The following ZNF208 variants were observed in gnomAD, a reference collection of about 807,000 sequenced individuals.
The protein encoded by ZNF208 is zinc finger protein 208, also known as zinc finger protein 95.
A neutral mutation model predicts 12.1 loss-of-function variants in ZNF208; 10 were observed. The observed-to-expected ratio is 0.83, with a 90% CI of 0.51 to 1.40. ZNF208 has a LOEUF of 1.40. Among genes scored for constraint, ZNF208 ranks in the 40% most tolerant of loss-of-function variants. ZNF208 has a pLI of 0.00. For synonymous variants in ZNF208, 497 were observed against 488.4 expected (o/e 1.02, Z -0.23); for missense variants, 1,652 against 1,485.0 (o/e 1.11, Z -1.85).
chr19:21,972,232 T>C lies in ZNF208; in HGVS notation c.2802A>G (p.Lys934=). 3.7e-6 allele frequency: 6 copies of C among 1,613,580 alleles called. No individual in the cohort carries two copies. Among genetic ancestry groups the C allele is most frequent in the Non-Finnish European group, 5.1e-6 (6 of 1,179,870 alleles). The change falls in exon 4 of 4, where the codon AAA becomes AAG. Residue 934 remains lysine (K), a synonymous_variant. Coordinates refer to ENST00000397126, the MANE Select transcript of ZNF208 (RefSeq NM_007153.3). ...TCTCTCCAGCATGAGTTTTCTTATG[T>C]TTACTAAAGACTGACAACCAGCTGA... ...KAFSWLSVFS[K]HKKTHAGEKF... is the part of the protein sequence containing the mutation.
intron 1 of ZNF208, among the ~76,000 whole-genome samples, chr19:22,008,302 C>T (rs78601959): frequency 1.0e-5 from 1 of 98,940 alleles, no homozygotes; most frequent in African/African-American, 3.9e-5. Flanking sequence ...GACTCTATCT[C>T]AAAAAAAAAA....
Position 21,974,716 on chromosome 19 carries a change from A to G in ZNF208, c.318T>C (p.Cys106=). 1.2e-6 allele frequency: 2 copies of G among 1,613,502 alleles called. No individual in the cohort carries two copies. Among genetic ancestry groups the G allele is most frequent in the Non-Finnish European group, 8.5e-7 (1 of 1,179,716 alleles). ...TTTTTAAGTGTAAATTCTCATGTCC[A>G]CATTTTTCATACCTTCTCAATATCA... ...QKVILRRYEK[C]GHENLHLKIG... is the part of the protein sequence containing the mutation. Residue 106 remains cysteine, a synonymous_variant, in exon 4 of 4, where the codon TGT becomes TGC. Transcript: ENST00000397126.
chr19:21,974,674 C>G lies in ZNF208; in HGVS notation c.360G>C (p.Val120=). 3 of 1,613,726 alleles carry G rather than the reference C, an allele frequency of 1.9e-6. No individual in the cohort carries two copies. The highest frequency in any genetic ancestry group is 2.5e-6 in the Non-Finnish European group (3 of 1,179,798). The stretch of plus-strand genomic sequence containing the variant: ...CTTCTTTGTGCACCTTACACTCATC[C>G]ACATTGGTATAACCAATTTTTAAGT... ...NLHLKIGYTN[V]DECKVHKEGY... Residue 120 remains valine (V), a synonymous_variant, in exon 4 of 4, where the codon GTG becomes GTC. Coordinates refer to ENST00000397126, the MANE Select transcript of ZNF208 (RefSeq NM_007153.3).
intron 1 of ZNF208, among the ~76,000 whole-genome samples, chr19:22,003,975 C>G (rs1971000623): frequency 6.6e-6 from 1 of 151,568 alleles, no homozygotes; most frequent in Admixed American, 6.6e-5. Flanking sequence ...TTGAGACAGG[C>G]ATGGACAACA....
intron 4 of ZNF208, among the ~76,000 whole-genome samples, chr19:21,953,379 A>G (rs1969922645): frequency 6.9e-6 from 1 of 144,624 alleles, no homozygotes; most frequent in African/African-American, 2.7e-5. Flanking sequence ...TTACCAAGGT[A>G]AAAATGAAAG....
At chr19:21,958,545 G>A (rs985433207) in intron 4 of ZNF208, among the ~76,000 whole-genome samples, 9 of 152,060 alleles carry the variant, frequency 5.9e-5, no homozygotes, top group Non-Finnish European at 1.2e-4. Flanking sequence ...CAGTTATCAG[G>A]GTGTGTCAGC....
In ZNF208 at chr19:21,970,413, G is replaced by A. The variant is rs1263970526; in HGVS notation, c.*778C>T. The stretch of plus-strand genomic sequence containing the variant: ...AGTAAGGATTGAGGAATAGCTAAAA[G>A]GCTTGCCACATTCTTCAGATTTGTA... On this transcript the variant is annotated 3_prime_UTR_variant, in exon 4 of 4. Transcript: ENST00000397126. 6.6e-6 allele frequency among the ~76,000 whole-genome samples: 1 copy of A among 152,166 alleles called. No homozygotes were observed. Among genetic ancestry groups the A allele is most frequent in the Non-Finnish European group, 1.5e-5 (1 of 68,010 alleles).
chr19:21,958,692 CAT>C lies in ZNF208; in HGVS notation c.305+16035_305+16036del, dbSNP rs530175535. ...ATGCAAATGGAATGATGCATAAACA[CAT>C]GTTTCTTCTGAGATACTTAAACCAG... is the stretch of plus-strand genomic sequence containing the variant. On this transcript the variant is annotated intron_variant, in intron 4 of 4. Transcript: ENST00000599916. 6.4e-4 allele frequency among the ~76,000 whole-genome samples: 98 copies of C among 152,202 alleles called. 1 individual carries two copies. Among genetic ancestry groups the C allele is most frequent in the South Asian group, 4.4e-3 (21 of 4,826 alleles).
rs1970285735 is a variant in ZNF208, at chr19:21,971,610, T to G, written c.3424A>C (p.Lys1142Gln). Residue 1142 changes from lysine (K) to glutamine (Q), a missense_variant, in exon 4 of 4, where the codon AAA (lysine) becomes CAA (glutamine). Coordinates refer to ENST00000397126, the MANE Select transcript of ZNF208 (RefSeq NM_007153.3). ...TAGGCTTTGCCACATTCTTCACATT[T>G]GTAGGGTTTCTCTCCAGTATGAATT... ...KVIHTGEKPY[K>Q]CEECGKAYKW... 1 of 1,612,496 alleles carries G rather than the reference T, an allele frequency of 6.2e-7. No homozygotes were observed. Among genetic ancestry groups the G allele is most frequent in the Non-Finnish European group, 8.5e-7 (1 of 1,179,936 alleles).
At chr19:22,006,584 T>C (rs1444776761) in intron 1 of ZNF208, among the ~76,000 whole-genome samples, 1 of 152,144 alleles carries the variant, frequency 6.6e-6, no homozygotes, top group Non-Finnish European at 1.5e-5. Flanking sequence ...TCTCTCACTA[T>C]AGAGGCTTCT....
intron 3 of ZNF208, among the ~76,000 whole-genome samples, chr19:21,986,446 T>A (rs1450789695): frequency 6.6e-6 from 1 of 152,134 alleles, no homozygotes; most frequent in Non-Finnish European, 1.5e-5. Flanking sequence ...AGAACAAATT[T>A]AACTGAGGAG....
intron 1 of ZNF208, among the ~76,000 whole-genome samples, chr19:22,008,301 T>TAAAAAAA (rs1971084138): frequency 2.0e-5 from 1 of 49,250 alleles, no homozygotes; most frequent in Non-Finnish European, 4.5e-5. Context: ...AGACTCTATC[T>TAAAAAAA]CAAAAAAAAA....
Position 21,986,026 on chromosome 19 carries a change from C to A in ZNF208, c.226+1190G>T, listed in dbSNP as rs116212033. 1.8e-3 allele frequency among the ~76,000 whole-genome samples: 267 copies of A among 152,316 alleles called. 1 individual carries two copies. Among genetic ancestry groups the A allele is most frequent in the African/African-American group, 6.1e-3 (253 of 41,576 alleles). ...TAAGCCAACTCTATTGCAGAGCCAG[C>A]AGCCCTGTGACCGAGCTACAACCCT... On this transcript the variant is annotated intron_variant, in intron 3 of 3. Coordinates refer to ENST00000397126, the MANE Select transcript of ZNF208 (RefSeq NM_007153.3).
rs144728441 is a variant in ZNF208, at chr19:21,987,967, G to A, written c.131-656C>T. Among the ~76,000 whole-genome samples the A allele has an allele frequency of 2.9e-3, 435 of 151,910 alleles. 2 individuals are homozygous for A. The highest frequency in any genetic ancestry group is 9.4e-3 in the African/African-American group (391 of 41,436). ...TTAACCTGTCTCTTCTCATTCCTTCGTCGCCACCGGACTTTCTGTACCCTA... is the reference window on the plus strand; with the variant it reads ...TTAACCTGTCTCTTCTCATTCCTTCATCGCCACCGGACTTTCTGTACCCTA... On this transcript the variant is annotated intron_variant, in intron 2 of 3. Coordinates refer to ENST00000397126, the MANE Select transcript of ZNF208 (RefSeq NM_007153.3).
chr19:21,980,410 G>T (rs1204673414), intron 3 of ZNF208, among the ~76,000 whole-genome samples: 1 of 152,160 alleles, frequency 6.6e-6, no homozygotes, highest in Non-Finnish European at 1.5e-5. Flanking sequence ...TCAGGATTAA[G>T]AAACTCACTC....
chr19:21,977,564 C>G (rs189089578), intron 3 of ZNF208, among the ~76,000 whole-genome samples: 252 of 152,322 alleles, frequency 1.7e-3, no homozygotes, highest in African/African-American at 5.6e-3. Flanking sequence ...GTGCTTTTCC[C>G]ATGGTCTTCG....
chr19:22,005,275 G>C (rs1971024843), intron 1 of ZNF208, among the ~76,000 whole-genome samples: 1 of 152,164 alleles, frequency 6.6e-6, no homozygotes, highest in African/African-American at 2.4e-5. Context: ...GAAATCCTCT[G>C]CTGGCAGCTG....
In ZNF208 at chr19:21,973,954, C is replaced by T. The variant is rs1485978641; in HGVS notation, c.1080G>A (p.Lys360=). The T allele has an allele frequency of 3.1e-6, 5 of 1,613,450 alleles. No homozygotes were observed. The South Asian group carries it at 4.4e-5, about 14-fold the overall frequency. The part of the protein sequence containing the change: ...FSKFSILTKH[K]VIHTGEKPYK... ...AGGGTTTCTCTCCAGTATGAATTAC[C>T]TTATGTTTAGTAAGGATTGAGAACT... is the stretch of plus-strand genomic sequence containing the variant. The change falls in exon 4 of 4, where the codon AAG becomes AAA. Residue 360 remains lysine (K), a synonymous_variant. Coordinates refer to ENST00000397126, the MANE Select transcript of ZNF208 (RefSeq NM_007153.3).
rs761251407 is a variant in ZNF208 at position 21,974,206 on chromosome 19, C to G, written c.828G>C (p.Lys276Asn). 3 of 1,602,738 alleles carry G rather than the reference C, an allele frequency of 1.9e-6. No homozygotes were observed. Among genetic ancestry groups the G allele is most frequent in the Admixed American group, 3.4e-5 (2 of 59,628 alleles). The change falls in exon 4 of 4, where the codon AAG becomes AAC. Residue 276 changes from lysine (K) to asparagine (N), a missense_variant. Physicochemically the swap from Lys to Asn is moderately conservative, Grantham distance 94. Around this residue, in one of 3 missense-constraint regions of ZNF208, gnomAD observed 410 missense variants for 378.2 expected, o/e 1.08. Transcript: ENST00000397126. Reference sequence around the variant, plus strand: ...TGGGTTTCTCTCCAGTATGAATTATCTTATGTTTAGTAAGGATTGCAGATT... The same window carrying G: ...TGGGTTTCTCTCCAGTATGAATTATGTTATGTTTAGTAAGGATTGCAGATT... The part of the protein sequence containing the change: ...FNQSAILTKH[K>N]IIHTGEKPNK...
Sources: gnomAD v4.1 joint callset for allele counts (sites outside exome capture counted in the v4.1 genomes callset) on GRCh38, gnomAD v4.1.1 for gene constraint, gnomAD v4.1.1 regional missense constraint, MANE v1.5 for transcripts, NCBI Gene and HGNC (gene_info 2026-07-23, HGNC 2026-07-21) for gene names.